ARHGEF28: variants seen among roughly 807,000 people sequenced by gnomAD.
ARHGEF28 encodes 190 kDa guanine nucleotide exchange factor.
ARHGEF28 carries 152 observed loss-of-function variants against 206.6 expected under a neutral mutation model. The observed-to-expected ratio is 0.74, with a 90% CI of 0.64 to 0.84. ARHGEF28 has a LOEUF of 0.84. Among genes scored for constraint, ARHGEF28 ranks in the 40% least tolerant of loss-of-function variants. The pLI is 0.00. For missense variants in ARHGEF28, 2,028 were observed against 2,073.2 expected (o/e 0.98, Z 0.42); for synonymous variants, 763 against 776.4 (o/e 0.98, Z 0.29).
rs2112071942 is a variant in ARHGEF28, at chr5:73,940,872, A to G, written c.4977A>G (p.Pro1659=). The G allele has an allele frequency of 6.5e-7, 1 of 1,527,568 alleles. No homozygotes were observed. The highest frequency in any genetic ancestry group is 2.5e-5 in the East Asian group (1 of 40,154). 94.6% of individuals were successfully genotyped at this position (1,527,568 alleles called of 1,614,324 possible). The change falls in exon 36 of 36, where the codon CCA becomes CCG. Residue 1659 remains proline (P), a synonymous_variant. Transcript: ENST00000513042. ...NDLDTSHTES[P]TPHDSNSHRP... ...TGGACACCTCCCACACTGAGTCCCC[A>G]ACCCCCCATGACTCAAATTCACACC... is the stretch of plus-strand genomic sequence containing the variant.
intron 1 of ARHGEF28, among the ~76,000 whole-genome samples, chr5:73,652,943 C>T (rs1294799552): frequency 1.3e-5 from 2 of 152,158 alleles, no homozygotes; most frequent in African/African-American, 4.8e-5. Flanking sequence ...ACACATCTTC[C>T]ATTGTTAAGG....
chr5:73,847,539 A>G (rs1226828136), intron 12 of ARHGEF28, among the ~76,000 whole-genome samples: 3 of 152,282 alleles, frequency 2.0e-5, no homozygotes, highest in Middle Eastern at 3.4e-3. Flanking sequence ...CTGGATAATG[A>G]GAAGTTTGTA....
rs200889312 is a variant in ARHGEF28, at chr5:73,849,057, C to T, written c.1717C>T (p.Arg573Cys). The T allele has an allele frequency of 4.8e-4, 757 of 1,571,764 alleles. 3 individuals carry two copies. Among genetic ancestry groups the T allele is most frequent in the Admixed American group, 2.4e-3 (132 of 54,234 alleles). The change falls in exon 13 of 36, where the codon CGT becomes TGT. Residue 573 changes from arginine to cysteine, a missense_variant. By Grantham distance (180) the Arg-to-Cys change is radical. Coordinates refer to ENST00000513042, the MANE Select transcript of ARHGEF28 (RefSeq NM_001177693.2). Reference sequence around the variant, plus strand: ...TTCTTTAGGAAAAACTCGTTTGGTGCGTGAATTAACAGTATGCAGTTCAAG... The same window carrying T: ...TTCTTTAGGAAAAACTCGTTTGGTGTGTGAATTAACAGTATGCAGTTCAAG... ...KISLGKTRLV[R>C]ELTVCSSSEE...
intron 1 of ARHGEF28, among the ~76,000 whole-genome samples, chr5:73,676,038 A>G (rs573853691): frequency 1.3e-5 from 2 of 150,754 alleles, no homozygotes; most frequent in South Asian, 2.1e-4. Flanking sequence ...TCCGCACCAT[A>G]CAATCTACCA....
intron 25 of ARHGEF28, 48 bp downstream of exon 25, chr5:73,886,152 A>C: frequency 6.5e-7 from 1 of 1,547,970 alleles, no homozygotes; most frequent in African/African-American, 1.4e-5. Flanking sequence ...CACATTATTC[A>C]TTTAACAGAG....
chr5:73,724,519 A>G (rs574879387), intron 2 of ARHGEF28, among the ~76,000 whole-genome samples: 14 of 152,284 alleles, frequency 9.2e-5, no homozygotes, highest in African/African-American at 3.4e-4. Context: ...GAACATTAAC[A>G]TCACCCCAAA....
chr5:73,896,483 C>A (rs535481028), intron 29 of ARHGEF28, among the ~76,000 whole-genome samples: 8 of 152,280 alleles, frequency 5.3e-5, no homozygotes, highest in African/African-American at 1.7e-4. Flanking sequence ...ATGGGTGTGG[C>A]ATGATCTTAT....
chr5:73,868,616 A>G (rs553855314), intron 20 of ARHGEF28, among the ~76,000 whole-genome samples: 12 of 152,288 alleles, frequency 7.9e-5, no homozygotes, highest in Admixed American at 7.8e-4. Context: ...GATCTCTGAG[A>G]TACTTACCCC....
intron 2 of ARHGEF28, among the ~76,000 whole-genome samples, chr5:73,699,163 G>A (rs1191801204): frequency 1.3e-5 from 2 of 151,842 alleles, no homozygotes; most frequent in South Asian, 2.1e-4. Flanking sequence ...GTGTGTGTGT[G>A]TGTATGTGTG....
intron 1 of ARHGEF28, among the ~76,000 whole-genome samples, chr5:73,655,530 C>G (rs73762147): frequency 0.043 from 6,558 of 152,234 alleles, 480 homozygotes; most frequent in African/African-American, 0.15. Context: ...ATTGCTCTGT[C>G]CTTAACACTA....
At chr5:73,854,954 A>G (rs1432353460) in intron 14 of ARHGEF28, among the ~76,000 whole-genome samples, 6 of 152,302 alleles carry the variant, frequency 3.9e-5, no homozygotes, top group Admixed American at 6.5e-5. Flanking sequence ...TTAAATGTCT[A>G]TTTACCTATT....
chr5:73,816,258 A>C (rs1756204546), intron 9 of ARHGEF28, among the ~76,000 whole-genome samples: 1 of 152,124 alleles, frequency 6.6e-6, no homozygotes, highest in South Asian at 2.1e-4. Flanking sequence ...GAGAAATATA[A>C]GGGACTTGGT....
At chr5:73,687,594 G>A (rs1025822822) in intron 2 of ARHGEF28, among the ~76,000 whole-genome samples, 2 of 151,968 alleles carry the variant, frequency 1.3e-5, no homozygotes, top group Non-Finnish European at 2.9e-5. Context: ...ACTCAAAACT[G>A]TCCTACAATT....
Position 73,776,607 on chromosome 5 carries a change from C to A in ARHGEF28, c.751C>A (p.Leu251Met), listed in dbSNP as rs753635830. The change falls in exon 6 of 36, where the codon CTG becomes ATG. Residue 251 changes from leucine (L) to methionine (M), a missense_variant. Transcript: ENST00000513042. ...CATTCACTCATCGGAAACGCTGACC[C>A]TGACCCTGAACCACACAGCCGAGCA... is the stretch of plus-strand genomic sequence containing the variant. Reference protein sequence around the residue: ...HYIHSSETLTLTLNHTAEHLL... With the variant: ...HYIHSSETLTMTLNHTAEHLL... The A allele has an allele frequency of 6.2e-7, 1 of 1,613,978 alleles. No individual in the cohort carries two copies. The highest frequency in any genetic ancestry group is 8.5e-7 in the Non-Finnish European group (1 of 1,179,866).
rs768632543 is a variant in ARHGEF28 at position 73,776,548 on chromosome 5, G to A, written c.692G>A (p.Arg231Gln). The A allele has an allele frequency of 1.8e-5, 29 of 1,612,428 alleles. No homozygotes were observed. The highest frequency in any genetic ancestry group is 4.5e-5 in the East Asian group (2 of 44,884). The change falls in exon 6 of 36, where the codon CGA becomes CAA. Residue 231 changes from arginine to glutamine, a missense_variant. Arg to Gln is a conservative substitution (Grantham distance 43). Transcript: ENST00000513042. The stretch of plus-strand genomic sequence containing the variant: ...GGCAGATGGTCCCCAAGCTTCTCCC[G>A]AGTGCAGCTCAGTGAAGAAGCCTCC... ...FQGRWSPSFS[R>Q]VQLSEEASLH... is the part of the protein sequence containing the mutation.
At position 73,903,040 on chromosome 5, in the gene ARHGEF28, C is replaced by T. The variant is rs1311820135; in HGVS notation, c.4075-1182C>T. On this transcript the variant is annotated intron_variant, in intron 31 of 35. Coordinates refer to ENST00000513042, the MANE Select transcript of ARHGEF28 (RefSeq NM_001177693.2). ...CAGATCTAATGTCTTTAAGCTTCAT[C>T]TCCATTTTCAGCCTCTGTCTTTTCT... The T allele has an allele frequency of 4.6e-5, 7 of 152,224 alleles. No individual in the cohort carries two copies. The East Asian group carries it at 1.3e-3, about 29-fold the overall frequency. The allele number at this position is 152,224 out of a possible 1,614,324, so 9.4% of individuals were successfully genotyped here.
At chr5:73,780,587 G>T (rs970513017) in intron 6 of ARHGEF28, 89 bp from the exon 7 acceptor site, 22 of 1,316,376 alleles carry the variant, frequency 1.7e-5, no homozygotes, top group South Asian at 2.6e-5. Context: ...TGAGATCATT[G>T]ATAGTGACTT....
intron 1 of ARHGEF28, among the ~76,000 whole-genome samples, chr5:73,654,412 G>A (rs926009808): frequency 3.9e-5 from 6 of 152,208 alleles, no homozygotes; most frequent in Non-Finnish European, 8.8e-5. Flanking sequence ...AGGAGCCACT[G>A]AGAGATTGGC....
intron 4 of ARHGEF28, among the ~76,000 whole-genome samples, chr5:73,757,032 G>T (rs907837342): frequency 6.6e-6 from 1 of 152,134 alleles, no homozygotes; most frequent in African/African-American, 2.4e-5. Flanking sequence ...TAACCATTTG[G>T]TGGGGTTCCA....
Sources: allele counts gnomAD v4.1 joint callset (sites outside exome capture counted in the v4.1 genomes callset), GRCh38; gene constraint gnomAD v4.1.1; transcripts MANE v1.5; gene names NCBI Gene and HGNC (gene_info 2026-07-23, HGNC 2026-07-21).